The following LPAR1 variants were observed in gnomAD, a reference collection of about 807,000 sequenced individuals.
The protein encoded by LPAR1 is lysophosphatidic acid receptor 1.
Under a neutral mutation model 23.8 loss-of-function variants are expected in LPAR1, and 5 were observed. The observed-to-expected ratio is 0.21, with a 90% confidence interval of 0.11 to 0.44. The LOEUF (loss-of-function observed/expected upper bound fraction) is 0.44, where lower values mean the gene tolerates loss of function less well. Among genes scored for constraint, LPAR1 ranks in the 20% least tolerant of loss-of-function variants. The pLI is 0.99. For synonymous variants in LPAR1, 160 were observed against 164.7 expected (o/e 0.97, Z 0.22); for missense variants, 311 against 482.8 (o/e 0.64, Z 3.33).
Position 110,917,524 on chromosome 9 carries a change from G to A in LPAR1, c.793+23897C>T, listed in dbSNP as rs543704554. 1.1e-4 allele frequency among the ~76,000 whole-genome samples: 17 copies of A among 152,244 alleles called. No homozygotes were observed. In the East Asian group the frequency reaches 1.9e-3, roughly 17 times the overall value. On this transcript the variant is annotated intron_variant, in intron 5 of 5. Transcript: ENST00000683809. ...CCCACAGAATTGCTTTCATTGAACT[G>A]CACTTTGGTTACAGACCACCAACCT...
chr9:110,997,417 A>G (rs1003374828), intron 2 of LPAR1, among the ~76,000 whole-genome samples: 2 of 152,224 alleles, frequency 1.3e-5, no homozygotes, highest in African/African-American at 4.8e-5. Flanking sequence ...CGTATTAACT[A>G]TTGAGAGAGA....
At chr9:110,906,752 C>G (rs1018813211) in intron 5 of LPAR1, among the ~76,000 whole-genome samples, 1 of 152,090 alleles carries the variant, frequency 6.6e-6, no homozygotes, top group Non-Finnish European at 1.5e-5. Flanking sequence ...TGCTTTTCCA[C>G]ATAAAATGCA....
chr9:110,990,952 A>C (rs10817128), intron 2 of LPAR1, among the ~76,000 whole-genome samples: 108,949 of 152,034 alleles, frequency 0.72, 39,732 homozygotes, highest in African/African-American at 0.82. Flanking sequence ...GTAGTATAGC[A>C]TTTTCTCCAC....
intron 2 of LPAR1, among the ~76,000 whole-genome samples, chr9:111,005,913 A>T (rs1298512936): frequency 6.6e-6 from 1 of 152,130 alleles, no homozygotes; most frequent in African/African-American, 2.4e-5. Flanking sequence ...TCACCTCTGT[A>T]CCTTGCACAT....
chr9:110,983,736 A>G (rs541418717), intron 2 of LPAR1, among the ~76,000 whole-genome samples: 1 of 152,080 alleles, frequency 6.6e-6, no homozygotes, highest in Non-Finnish European at 1.5e-5. Flanking sequence ...TTAAGTTAAT[A>G]AGCTTTAAAA....
intron 5 of LPAR1, among the ~76,000 whole-genome samples, chr9:110,876,627 T>C (rs1388354687): frequency 6.6e-6 from 1 of 152,212 alleles, no homozygotes; most frequent in African/African-American, 2.4e-5. Flanking sequence ...GAGTTCAAGC[T>C]CTAGAAAATA....
chr9:111,000,429 T>C (rs1404715620), intron 2 of LPAR1, among the ~76,000 whole-genome samples: 1 of 152,178 alleles, frequency 6.6e-6, no homozygotes, highest in Non-Finnish European at 1.5e-5. Flanking sequence ...CAGGGTTTTC[T>C]CCTGTTTCAG....
rs1564155006 is a variant in LPAR1, at chr9:110,954,721, C to CA, written c.46-12554dup. Reference sequence around the variant, plus strand: ...GGAAAAAAACAAACAAACAAACAAACAAAAAAAACTGCCAGTAAAGATACT... The same window carrying CA: ...GGAAAAAAACAAACAAACAAACAAACAAAAAAAAACTGCCAGTAAAGATACT... On this transcript the variant is annotated intron_variant, in intron 4 of 5. Coordinates refer to ENST00000683809, the MANE Select transcript of LPAR1 (RefSeq NM_001351411.2). Among the ~76,000 whole-genome samples the CA allele has an allele frequency of 3.3e-5, 5 of 151,608 alleles. No homozygotes were observed. In the South Asian group the frequency reaches 8.3e-4, roughly 25 times the overall value.
At chr9:110,886,686 A>G (rs2082520240) in intron 5 of LPAR1, among the ~76,000 whole-genome samples, 1 of 152,224 alleles carries the variant, frequency 6.6e-6, no homozygotes, top group African/African-American at 2.4e-5. Context: ...AAACAATGGT[A>G]CCACATATAT....
intron 2 of LPAR1, among the ~76,000 whole-genome samples, chr9:110,992,439 A>G (rs1297132749): frequency 1.3e-5 from 2 of 152,210 alleles, no homozygotes; most frequent in Non-Finnish European, 2.9e-5. Context: ...ATAATCTGAC[A>G]GTTTCTTTAA....
In LPAR1 at chr9:110,986,568, A is replaced by T. The variant is rs1199237286; in HGVS notation, c.-181-13010T>A. 2.6e-5 allele frequency among the ~76,000 whole-genome samples: 4 copies of T among 151,964 alleles called. No individual in the cohort carries two copies. In the East Asian group the frequency reaches 5.8e-4, roughly 22 times the overall value. ...AAAATTAAAAATAAAACAAAAATTT[A>T]AAAAGTTAACTATTCTAAAAAAAAA... On this transcript the variant is annotated intron_variant, in intron 2 of 5. Coordinates refer to ENST00000683809, the MANE Select transcript of LPAR1 (RefSeq NM_001351411.2).
chr9:111,025,300 T>C (rs1470262934), intron 2 of LPAR1, among the ~76,000 whole-genome samples: 3 of 152,256 alleles, frequency 2.0e-5, no homozygotes, highest in African/African-American at 7.2e-5. Context: ...TAATGACCAG[T>C]GATGATGAGC....
intron 2 of LPAR1, among the ~76,000 whole-genome samples, chr9:111,016,719 A>AAT (rs2097455051): frequency 1.3e-5 from 2 of 152,376 alleles, no homozygotes; most frequent in Admixed American, 1.3e-4. Context: ...TGCATGAAGT[A>AAT]ATATTCATAG....
At chr9:110,905,097 G>C (rs1161172586) in intron 5 of LPAR1, among the ~76,000 whole-genome samples, 1 of 147,942 alleles carries the variant, frequency 6.8e-6, no homozygotes, top group East Asian at 1.9e-4. Context: ...TGTTCATTCG[G>C]CATCCTTTTA....
intron 2 of LPAR1, among the ~76,000 whole-genome samples, chr9:111,021,872 A>C (rs1271255504): frequency 6.6e-6 from 1 of 150,576 alleles, no homozygotes; most frequent in African/African-American, 2.4e-5. Context: ...TAGGCAGGAG[A>C]ATCGCTTGAA....
rs780224712 is a variant in LPAR1 at position 110,941,412 on chromosome 9, AG to A, written c.793+8del. The A allele has an allele frequency of 1.9e-6, 3 of 1,600,654 alleles. No homozygotes were observed. The highest frequency in any genetic ancestry group is 2.6e-6 in the Non-Finnish European group (3 of 1,173,214). On this transcript the variant is annotated splice_region_variant and intron_variant, in intron 5 of 5. Transcript: ENST00000683809. The surrounding 1 kb of genome is among the most constrained non-coding windows in gnomAD (Gnocchi z 6.1). ...CTATAAAGTAAGTTACAGTCAAGAC[AG>A]AACTTACCAAGCACAATGACCACAG...
intron 5 of LPAR1, among the ~76,000 whole-genome samples, chr9:110,915,414 G>A (rs1466053711): frequency 1.3e-5 from 2 of 152,100 alleles, no homozygotes; most frequent in Non-Finnish European, 2.9e-5. Context: ...GCATGTGCCT[G>A]TAATCCCAGC....
intron 2 of LPAR1, among the ~76,000 whole-genome samples, chr9:111,002,515 T>C (rs908476765): frequency 2.0e-5 from 3 of 152,178 alleles, no homozygotes; most frequent in Non-Finnish European, 4.4e-5. Context: ...ACCAGAAGTA[T>C]GGCTCAATGT....
chr9:110,994,375 A>T (rs545134966), intron 2 of LPAR1, among the ~76,000 whole-genome samples: 28 of 152,316 alleles, frequency 1.8e-4, no homozygotes, highest in African/African-American at 6.7e-4. Context: ...TGGATCCTTC[A>T]CTATCAAGGA....
Sources: gnomAD v4.1 joint callset for allele counts (sites outside exome capture counted in the v4.1 genomes callset) on GRCh38, gnomAD v4.1.1 for gene constraint, Gnocchi (gnomAD v3.1) non-coding constraint, MANE v1.5 for transcripts, NCBI Gene and HGNC (gene_info 2026-07-23, HGNC 2026-07-21) for gene names.